Variants in CTNNBIP1 observed in about 807,000 individuals in gnomAD.
CTNNBIP1 encodes catenin beta interacting protein 1, also known as beta-catenin-interacting protein 1.
Under a neutral mutation model 11.8 loss-of-function variants are expected in CTNNBIP1, and 7 were observed. The observed-to-expected ratio is 0.60, with a 90% CI of 0.34 to 1.12. CTNNBIP1 has a LOEUF of 1.12. CTNNBIP1 is among the 50% of genes most tolerant of loss of function. CTNNBIP1 has a pLI of 0.03. For synonymous variants in CTNNBIP1, 58 were observed against 43.9 expected, an observed-to-expected ratio of 1.32 and a Z score of -1.26; for missense variants, 101 against 113.4, an observed-to-expected ratio of 0.89 and a Z score of 0.50.
intron 1 of CTNNBIP1, among the ~76,000 whole-genome samples, chr1:9,909,733 A>G (rs1277988228): frequency 1.3e-5 from 2 of 151,980 alleles, no homozygotes; most frequent in Non-Finnish European, 2.9e-5. Flanking sequence ...GGAAATATGG[A>G]GAGTAAGAGT....
chr1:9,890,871 T>A (rs1324101258), intron 1 of CTNNBIP1, among the ~76,000 whole-genome samples: 1 of 152,154 alleles, frequency 6.6e-6, no homozygotes, highest in African/African-American at 2.4e-5. Flanking sequence ...GGCAAATTAA[T>A]TTGCATTTCT....
chr1:9,858,325 A>C (rs759521860), intron 5 of CTNNBIP1, among the ~76,000 whole-genome samples: 1 of 152,054 alleles, frequency 6.6e-6, no homozygotes, highest in Non-Finnish European at 1.5e-5. Flanking sequence ...CTTCTACTGC[A>C]AGACTGCTCA....
intron 5 of CTNNBIP1, among the ~76,000 whole-genome samples, chr1:9,860,450 A>C (rs113453149): frequency 4.2e-4 from 64 of 150,812 alleles, no homozygotes; most frequent in East Asian, 5.9e-4. Flanking sequence ...AAAAAAAAAA[A>C]AAAACAAAAC....
Position 9,908,039 on chromosome 1 carries a change from T to C in CTNNBIP1, c.-144+2056A>G, listed in dbSNP as rs199781062. Among the ~76,000 whole-genome samples, 6 of 152,342 alleles carry C rather than the reference T, an allele frequency of 3.9e-5. No homozygotes were observed. The East Asian group carries it at 1.2e-3, about 29-fold the overall frequency. ...TCTTTATTACGACCTACAAAATCTTTGTTTTGATCTACAGGTTCTTTTTCT... is the reference window on the plus strand; with the variant it reads ...TCTTTATTACGACCTACAAAATCTTCGTTTTGATCTACAGGTTCTTTTTCT... On this transcript the variant is annotated intron_variant, in intron 1 of 5. Transcript: ENST00000377263.
chr1:9,899,539 T>G (rs75935126), intron 1 of CTNNBIP1, among the ~76,000 whole-genome samples: 2 of 144,670 alleles, frequency 1.4e-5, no homozygotes, highest in Admixed American at 1.4e-4. Flanking sequence ...GGTGGGTAGG[T>G]CACAAGGTCA....
intron 5 of CTNNBIP1, among the ~76,000 whole-genome samples, chr1:9,869,109 C>T (rs1180401633): frequency 2.0e-5 from 3 of 151,756 alleles, no homozygotes; most frequent in Non-Finnish European, 4.4e-5. Context: ...AAGCGATCCT[C>T]TCACCTCAGC....
chr1:9,856,527 T>G lies in CTNNBIP1; in HGVS notation c.188-5751A>C, dbSNP rs186498144. Among the ~76,000 whole-genome samples, 344 of 150,732 alleles carry G rather than the reference T, an allele frequency of 2.3e-3. 1 individual carries two copies. The Middle Eastern group carries it at 0.027, about 12-fold the overall frequency. On this transcript the variant is annotated intron_variant, in intron 5 of 5. Transcript: ENST00000377263. Reference sequence around the variant, plus strand: ...CGTAAAAAATTCTTTTTTTTTTTTTTTTTGAGAGGGAGTCTCGCTCTGTTG... The same window carrying G: ...CGTAAAAAATTCTTTTTTTTTTTTTGTTTGAGAGGGAGTCTCGCTCTGTTG...
intron 5 of CTNNBIP1, among the ~76,000 whole-genome samples, chr1:9,866,695 A>G (rs896003901): frequency 1.3e-5 from 2 of 149,150 alleles, no homozygotes; most frequent in Non-Finnish European, 2.9e-5. Context: ...AAAAAAAAAA[A>G]GTCGAGTAGA....
intron 1 of CTNNBIP1, among the ~76,000 whole-genome samples, chr1:9,903,566 G>A (rs1415909552): frequency 2.6e-5 from 4 of 152,210 alleles, no homozygotes; most frequent in Non-Finnish European, 5.9e-5. Flanking sequence ...TAATAACTGA[G>A]TATAACAGTA....
intron 1 of CTNNBIP1, among the ~76,000 whole-genome samples, chr1:9,907,444 A>G (rs964044518): frequency 1.3e-5 from 2 of 152,114 alleles, no homozygotes; most frequent in African/African-American, 4.8e-5. Context: ...ATGTTGGCAT[A>G]TACAGGGGTG....
In CTNNBIP1 at chr1:9,883,323, GC is replaced by G. The variant is rs1639121389; in HGVS notation, c.-110+381del. 1.3e-5 allele frequency among the ~76,000 whole-genome samples: 2 copies of G among 152,190 alleles called. No homozygotes were observed. Among genetic ancestry groups the G allele is most frequent in the Non-Finnish European group, 2.9e-5 (2 of 68,034 alleles). On this transcript the variant is annotated intron_variant, in intron 2 of 5. Transcript: ENST00000377263. The surrounding 1 kb of genome is among the most constrained non-coding windows in gnomAD (Gnocchi z 5.6). ...GACACCACAGGCAGGACCTCACGAG[GC>G]CCAGGTGCAGGGCAGAGAGGGAGCA...
chr1:9,904,069 A>G (rs1639573147), intron 1 of CTNNBIP1, among the ~76,000 whole-genome samples: 2 of 152,232 alleles, frequency 1.3e-5, no homozygotes, highest in Admixed American at 1.3e-4. Flanking sequence ...AAATGCCACT[A>G]TCATTCACTT....
intron 5 of CTNNBIP1, among the ~76,000 whole-genome samples, chr1:9,852,044 G>C (rs1035980620): frequency 5.3e-5 from 8 of 152,184 alleles, no homozygotes; most frequent in African/African-American, 1.7e-4. Context: ...ATTCTCTCTG[G>C]GAGGGGGTGG....
intron 1 of CTNNBIP1, among the ~76,000 whole-genome samples, chr1:9,900,459 C>T (rs1639500997): frequency 6.6e-6 from 1 of 152,222 alleles, no homozygotes; most frequent in East Asian, 1.9e-4. Flanking sequence ...CTTGCCAGTG[C>T]AGTGCGGTGC....
Position 9,848,748 on chromosome 1 carries a change from A to T in CTNNBIP1, c.*1970T>A, listed in dbSNP as rs1265958991. The T allele has an allele frequency of 6.6e-6, 1 of 152,218 alleles. No homozygotes were observed. The highest frequency in any genetic ancestry group is 1.5e-5 in the Non-Finnish European group (1 of 68,072). The allele number at this position is 152,218 out of a possible 1,614,324, so 9.4% of individuals were successfully genotyped here. On this transcript the variant is annotated 3_prime_UTR_variant, in exon 6 of 6. Transcript: ENST00000377263. This position sits in a 1 kb window ranked among gnomAD's most constrained non-coding sequence, Gnocchi z 4.3. ...CAGGTCCCTGCCAGGGTAGGGTTGT[A>T]GCTGTGTTCCCCACAGCTGACTGTC... is the stretch of plus-strand genomic sequence containing the variant.
At chr1:9,873,228 C>T (rs753731114) in intron 3 of CTNNBIP1, among the ~76,000 whole-genome samples, 33 of 152,262 alleles carry the variant, frequency 2.2e-4, no homozygotes, top group Non-Finnish European at 3.4e-4. Flanking sequence ...ATGCTGGATG[C>T]GGCATAGGTC....
chr1:9,894,064 T>G (rs1234202770), intron 1 of CTNNBIP1, among the ~76,000 whole-genome samples: 1 of 152,124 alleles, frequency 6.6e-6, no homozygotes, highest in Non-Finnish European at 1.5e-5. Flanking sequence ...TTTTTCTTCC[T>G]CCTCACCTTT....
intron 1 of CTNNBIP1, among the ~76,000 whole-genome samples, chr1:9,899,276 T>C (rs1639473732): frequency 6.7e-6 from 1 of 149,860 alleles, no homozygotes; most frequent in South Asian, 2.1e-4. Context: ...GCCAACATGG[T>C]GAAACCCCAT....
intron 5 of CTNNBIP1, among the ~76,000 whole-genome samples, chr1:9,866,831 G>C (rs914349663): frequency 1.9e-4 from 29 of 152,110 alleles, no homozygotes; most frequent in Admixed American, 1.4e-3. Context: ...TGAGACAAGA[G>C]TGAATATGGG....
Sources: allele counts gnomAD v4.1 joint callset (sites outside exome capture counted in the v4.1 genomes callset), GRCh38; gene constraint gnomAD v4.1.1; non-coding constraint Gnocchi (gnomAD v3.1); transcripts MANE v1.5; gene names NCBI Gene and HGNC (gene_info 2026-07-23, HGNC 2026-07-21).